The following ADAMTSL3 variants were observed in gnomAD, a reference collection of about 807,000 sequenced individuals.
ADAMTSL3 encodes the protein ADAMTS like 3, also known as ADAMTS-like protein 3.
A neutral mutation model predicts 201.7 loss-of-function variants in ADAMTSL3; 128 were observed. That is an observed-to-expected ratio of 0.63 (90% CI 0.55 to 0.73). The LOEUF (loss-of-function observed/expected upper bound fraction) is 0.73, where lower values mean the gene tolerates loss of function less well. Among genes scored for constraint, ADAMTSL3 ranks in the 30% least tolerant of loss-of-function variants. ADAMTSL3 has a pLI of 0.00. For missense variants in ADAMTSL3, 1,990 were observed against 2,119.6 expected (o/e 0.94, Z 1.20); for synonymous variants, 738 against 748.4 (o/e 0.99, Z 0.23).
chr15:83,688,751 T>TACAC (rs1555430321), intron 2 of ADAMTSL3, among the ~76,000 whole-genome samples: 1,350 of 114,630 alleles, frequency 0.012, 9 homozygotes, highest in Middle Eastern at 0.021. Context: ...CACATGCATA[T>TACAC]ATATACACAC....
intron 3 of ADAMTSL3, among the ~76,000 whole-genome samples, chr15:83,765,318 G>A (rs898662570): frequency 2.0e-5 from 3 of 152,114 alleles, no homozygotes; most frequent in South Asian, 2.1e-4. Context: ...AATCTGGGTC[G>A]TTTGAGATCC....
At chr15:83,954,279 A>G (rs963743444) in intron 19 of ADAMTSL3, among the ~76,000 whole-genome samples, 1 of 152,052 alleles carries the variant, frequency 6.6e-6, no homozygotes, top group African/African-American at 2.4e-5. Context: ...TTTCAGGCTC[A>G]CCAGTTCTTT....
intron 6 of ADAMTSL3, among the ~76,000 whole-genome samples, chr15:83,826,658 C>A (rs551620697): frequency 0.013 from 1,526 of 121,928 alleles, 11 homozygotes; most frequent in Non-Finnish European, 0.021. Flanking sequence ...TATCCCTCCC[C>A]CCTCCCCCCA....
At chr15:83,944,742 G>A (rs1296549484) in intron 19 of ADAMTSL3, among the ~76,000 whole-genome samples, 2 of 152,124 alleles carry the variant, frequency 1.3e-5, no homozygotes, top group African/African-American at 4.8e-5. Flanking sequence ...GACCCATGCT[G>A]GTACCCCAGC....
rs2065060956 is a variant in ADAMTSL3, at chr15:83,870,523, A to G, written c.803-279A>G. Among the ~76,000 whole-genome samples, 3 of 152,236 alleles carry G rather than the reference A, an allele frequency of 2.0e-5. No individual in the cohort carries two copies. The South Asian group carries it at 6.2e-4, about 32-fold the overall frequency. On this transcript the variant is annotated intron_variant, in intron 8 of 29. Coordinates refer to ENST00000286744, the MANE Select transcript of ADAMTSL3 (RefSeq NM_207517.3). ...AGTATTAGCTAAATCATGAAAACAT[A>G]TAAAGAAAGAAAAGTTTTCTCTTTC...
intron 4 of ADAMTSL3, among the ~76,000 whole-genome samples, chr15:83,802,698 A>G (rs1026237188): frequency 6.6e-6 from 1 of 152,190 alleles, no homozygotes; most frequent in Non-Finnish European, 1.5e-5. Flanking sequence ...GGGTGGGGGA[A>G]GAGGTTGACT....
At chr15:84,014,938 G>A (rs1567302981) in intron 24 of ADAMTSL3, among the ~76,000 whole-genome samples, 1 of 126,348 alleles carries the variant, frequency 7.9e-6, no homozygotes, top group Non-Finnish European at 1.6e-5. Context: ...TAGTGTTTGT[G>A]TGTGTGTGTG....
chr15:83,904,820 T>G (rs886766490), intron 15 of ADAMTSL3, among the ~76,000 whole-genome samples: 12 of 152,374 alleles, frequency 7.9e-5, no homozygotes, highest in Admixed American at 2.6e-4. Flanking sequence ...AGGGTGGACT[T>G]AGTTAGCACA....
intron 7 of ADAMTSL3, among the ~76,000 whole-genome samples, chr15:83,848,414 C>G (rs1367206952): frequency 6.6e-6 from 1 of 152,232 alleles, no homozygotes; most frequent in Non-Finnish European, 1.5e-5. Context: ...TCCTGTACAT[C>G]TTGCTACTTA....
intron 10 of ADAMTSL3, among the ~76,000 whole-genome samples, chr15:83,889,645 T>A (rs1289433041): frequency 6.6e-6 from 1 of 151,794 alleles, no homozygotes; most frequent in East Asian, 1.9e-4. Flanking sequence ...TATACGGAAA[T>A]GAGAGAAGGG....
At chr15:83,834,758 A>G (rs2064230846) in intron 6 of ADAMTSL3, among the ~76,000 whole-genome samples, 1 of 152,222 alleles carries the variant, frequency 6.6e-6, no homozygotes, top group Non-Finnish European at 1.5e-5. Context: ...TAAGGTAAGA[A>G]TCTTATGTTA....
intron 6 of ADAMTSL3, among the ~76,000 whole-genome samples, 196 bp from the exon 7 acceptor site, chr15:83,837,893 C>T (rs1015342892): frequency 3.3e-5 from 5 of 151,474 alleles, no homozygotes; most frequent in African/African-American, 4.9e-5. Flanking sequence ...ATTAATATTT[C>T]GGCCTTACAT....
At chr15:84,007,827 G>T (rs1244706218) in intron 23 of ADAMTSL3, among the ~76,000 whole-genome samples, 1 of 152,152 alleles carries the variant, frequency 6.6e-6, no homozygotes, top group African/African-American at 2.4e-5. Context: ...GGCAAGGGTG[G>T]AAATAGGGAG....
chr15:84,030,844 G>A (rs117508006), intron 27 of ADAMTSL3, among the ~76,000 whole-genome samples: 5,923 of 152,278 alleles, frequency 0.039, 189 homozygotes, highest in Admixed American at 0.097. Context: ...GGATCATGGC[G>A]ACAGTTTCCC....
intron 3 of ADAMTSL3, among the ~76,000 whole-genome samples, chr15:83,728,419 G>A (rs1017758872): frequency 3.3e-5 from 5 of 150,794 alleles, no homozygotes; most frequent in Admixed American, 6.6e-5. Flanking sequence ...TCTTCTCCTC[G>A]TTCCCCCCGC....
intron 3 of ADAMTSL3, among the ~76,000 whole-genome samples, chr15:83,718,173 G>A (rs2062045438): frequency 6.6e-6 from 1 of 151,992 alleles, no homozygotes; most frequent in African/African-American, 2.4e-5. Flanking sequence ...TGAGCAAATG[G>A]CCAACTTAAT....
rs755617317 is a variant in ADAMTSL3, at chr15:83,704,487, C to T, written c.168C>T (p.Leu56=). The T allele has an allele frequency of 1.2e-6, 2 of 1,614,218 alleles. No homozygotes were observed. The highest frequency in any genetic ancestry group is 1.1e-5 in the South Asian group (1 of 91,082). ...AAGACACAACAGGGGAGCAGTTCCT[C>T]ACTTATCGCTATGATGACCAGGTAA... ...FLEDTTGEQF[L]TYRYDDQTSR... is the part of the protein sequence containing the mutation. Residue 56 remains leucine, a synonymous_variant, in exon 3 of 30, where the codon CTC becomes CTT. Coordinates refer to ENST00000286744, the MANE Select transcript of ADAMTSL3 (RefSeq NM_207517.3).
chr15:83,882,542 G>GT (rs1034059746), intron 9 of ADAMTSL3, among the ~76,000 whole-genome samples: 2 of 151,840 alleles, frequency 1.3e-5, no homozygotes, highest in African/African-American at 2.4e-5. Context: ...TTCTTTAGTA[G>GT]TTTTTTTTCT....
intron 2 of ADAMTSL3, among the ~76,000 whole-genome samples, chr15:83,681,340 C>T (rs1053924083): frequency 8.5e-5 from 13 of 152,062 alleles, no homozygotes; most frequent in African/African-American, 2.9e-4. Context: ...AGAGGTGACA[C>T]GTCATTTATA....
Sources: allele counts gnomAD v4.1 joint callset (sites outside exome capture counted in the v4.1 genomes callset), GRCh38; gene constraint gnomAD v4.1.1; transcripts MANE v1.5; gene names NCBI Gene and HGNC (gene_info 2026-07-23, HGNC 2026-07-21).